The following PATJ variants were observed in gnomAD, a reference collection of about 807,000 sequenced individuals.
PATJ encodes the protein inaD-like protein.
PATJ carries 190 observed loss-of-function variants against 224.9 expected under a neutral mutation model. The ratio of observed to expected loss-of-function variants is 0.84; its 90% CI spans 0.75 to 0.95. PATJ has a LOEUF of 0.95. PATJ is among the 40% of genes least tolerant of loss of function. PATJ has a pLI of 0.00. For missense variants in PATJ, 2,121 were observed against 2,270.3 expected (o/e 0.93, Z 1.34); for synonymous variants, 769 against 820.3 (o/e 0.94, Z 1.07).
At position 62,116,516 on chromosome 1, in the gene PATJ, T is replaced by C; in HGVS notation, c.4656-16T>C. On this transcript the variant is annotated splice_polypyrimidine_tract_variant and intron_variant, in intron 35 of 43. Coordinates refer to ENST00000642238, the MANE Select transcript of PATJ (RefSeq NM_001350145.3). ...TTAGGTTGTGCCAATACTGCACTGC[T>C]GTATGGTATTAACAGAAATGGAAGC... The C allele has an allele frequency of 1.2e-6, 2 of 1,613,482 alleles. No homozygotes were observed. The highest frequency in any genetic ancestry group is 1.7e-6 in the Non-Finnish European group (2 of 1,179,718).
chr1:61,836,843 G>A (rs997942550), intron 17 of PATJ, among the ~76,000 whole-genome samples: 14 of 152,190 alleles, frequency 9.2e-5, no homozygotes, highest in Non-Finnish European at 1.6e-4. Flanking sequence ...GCTGAGTAGG[G>A]CCAAGGCAAA....
chr1:62,130,786 G>A (rs1666182395), intron 41 of PATJ, among the ~76,000 whole-genome samples: 1 of 152,248 alleles, frequency 6.6e-6, no homozygotes, highest in African/African-American at 2.4e-5. Flanking sequence ...GGGAGGCAGA[G>A]CTTGCAGTGA....
intron 43 of PATJ, among the ~76,000 whole-genome samples, chr1:62,158,598 G>A (rs1326750188): frequency 6.7e-6 from 1 of 148,474 alleles, no homozygotes; most frequent in African/African-American, 2.4e-5. Context: ...GCGGGCGCCT[G>A]TAGTCCCAGC....
At chr1:62,146,483 G>A (rs978116058) in intron 41 of PATJ, among the ~76,000 whole-genome samples, 4 of 152,070 alleles carry the variant, frequency 2.6e-5, no homozygotes, top group Non-Finnish European at 5.9e-5. Context: ...ATAGAAAAAC[G>A]AATAGAATTT....
chr1:61,746,800 C>T (rs1213284647), intron 1 of PATJ, among the ~76,000 whole-genome samples: 2 of 152,150 alleles, frequency 1.3e-5, no homozygotes, highest in African/African-American at 2.4e-5. Flanking sequence ...TAAAAGTACA[C>T]AGACTACTAT....
intron 1 of PATJ, among the ~76,000 whole-genome samples, chr1:61,760,522 TTTTAGATTAATTTCATCAAATC>T (rs1402707227): frequency 2.0e-5 from 3 of 152,212 alleles, no homozygotes; most frequent in African/African-American, 7.2e-5. Context: ...TTACGTTACA[TTTTAGATTAATTTCATCAAATC>T]ACTGGAATTA....
At chr1:62,116,751 G>T in intron 36 of PATJ, 72 bp downstream of exon 36, 1 of 1,436,628 alleles carries the variant, frequency 7.0e-7, no homozygotes, top group Non-Finnish European at 9.4e-7. Context: ...AGTCTAGCTT[G>T]ATTATAAAAT....
chr1:61,782,791 C>T (rs1647611845), intron 7 of PATJ, among the ~76,000 whole-genome samples: 1 of 152,146 alleles, frequency 6.6e-6, no homozygotes, highest in Non-Finnish European at 1.5e-5. Context: ...AAGAGTTAAA[C>T]ATTTTTTTGG....
intron 17 of PATJ, among the ~76,000 whole-genome samples, chr1:61,836,970 G>C (rs1660280131): frequency 6.6e-6 from 1 of 152,206 alleles, no homozygotes; most frequent in East Asian, 1.9e-4. Context: ...GGCTTACTTA[G>C]CATTATTGTA....
intron 42 of PATJ, among the ~76,000 whole-genome samples, chr1:62,152,460 TG>T (rs1668724878): frequency 6.6e-6 from 1 of 151,868 alleles, no homozygotes; most frequent in South Asian, 2.1e-4. Flanking sequence ...GAGACCAGCC[TG>T]GTCAACATGG....
At chr1:61,977,708 T>G (rs1489961095) in intron 27 of PATJ, among the ~76,000 whole-genome samples, 4 of 151,628 alleles carry the variant, frequency 2.6e-5, no homozygotes, top group Admixed American at 6.6e-5. Context: ...ATTTTACATC[T>G]CTTTTTAAAA....
chr1:61,814,547 T>TGTGTGTGTGCGCGCGCGC (rs370488022), intron 14 of PATJ, among the ~76,000 whole-genome samples: 7 of 142,492 alleles, frequency 4.9e-5, no homozygotes, highest in African/African-American at 1.6e-4. Flanking sequence ...TGTGTGTGTG[T>TGTGTGTGTGCGCGCGCGC]GCGCGCGCGC....
intron 15 of PATJ, among the ~76,000 whole-genome samples, chr1:61,824,691 C>T (rs528611287): frequency 1.3e-5 from 2 of 152,274 alleles, no homozygotes; most frequent in South Asian, 4.1e-4. Context: ...TCCCAAAGTA[C>T]TGGAATTACA....
chr1:61,990,306 A>G lies in PATJ; in HGVS notation c.3809A>G (p.Asn1270Ser). Reference sequence around the variant, plus strand: ...ATGAGCATATTTGTGGTGGGAATTAACCCGGAAGGACCTGCTGCCGCAGAT... The same window carrying G: ...ATGAGCATATTTGTGGTGGGAATTAGCCCGGAAGGACCTGCTGCCGCAGAT... ...SRMSIFVVGI[N>S]PEGPAAADGR... Residue 1270 changes from asparagine (N) to serine (S), a missense_variant, in exon 28 of 44, where the codon AAC (asparagine) becomes AGC (serine). Physicochemically the swap from Asn to Ser is conservative, Grantham distance 46. Transcript: ENST00000642238. 6.2e-7 allele frequency: 1 copy of G among 1,613,828 alleles called. No homozygotes were observed. The highest frequency in any genetic ancestry group is 8.5e-7 in the Non-Finnish European group (1 of 1,179,920).
chr1:62,025,775 G>A (rs7537406), intron 29 of PATJ, among the ~76,000 whole-genome samples: 43,591 of 152,004 alleles, frequency 0.29, 7,642 homozygotes, highest in Middle Eastern at 0.44. Context: ...GTGAGCTGAG[G>A]TAGTGCCACT....
At chr1:61,945,352 CAT>C (rs1385246998) in intron 27 of PATJ, among the ~76,000 whole-genome samples, 1 of 151,524 alleles carries the variant, frequency 6.6e-6, no homozygotes, top group African/African-American at 2.4e-5. Flanking sequence ...CAGAGACACA[CAT>C]AGGCTCAAAA....
At chr1:62,140,781 C>T (rs1016871164) in intron 41 of PATJ, among the ~76,000 whole-genome samples, 4 of 150,220 alleles carry the variant, frequency 2.7e-5, no homozygotes, top group Non-Finnish European at 3.0e-5. Context: ...CGGTGGTTCA[C>T]GCCTGTATTC....
At chr1:62,027,669 A>C (rs1203405175) in intron 29 of PATJ, among the ~76,000 whole-genome samples, 2 of 136,528 alleles carry the variant, frequency 1.5e-5, no homozygotes, top group African/African-American at 5.8e-5. Flanking sequence ...ATCCATCCTA[A>C]TGAGTGTAAG....
intron 17 of PATJ, among the ~76,000 whole-genome samples, chr1:61,843,152 T>G (rs1661384581): frequency 6.6e-6 from 1 of 152,192 alleles, no homozygotes; most frequent in Non-Finnish European, 1.5e-5. Flanking sequence ...GCAGATTGAC[T>G]TGACTGGCTG....
Sources: allele counts gnomAD v4.1 joint callset (sites outside exome capture counted in the v4.1 genomes callset), GRCh38; gene constraint gnomAD v4.1.1; transcripts MANE v1.5; gene names NCBI Gene and HGNC (gene_info 2026-07-23, HGNC 2026-07-21).